The following CCN4 variants were observed in gnomAD, a reference collection of about 807,000 sequenced individuals.
The protein encoded by CCN4 is cellular communication network factor 4.
CCN4 carries 30 observed loss-of-function variants against 36.7 expected under a neutral mutation model. The ratio of observed to expected loss-of-function variants is 0.82; its 90% CI spans 0.61 to 1.11. The LOEUF (loss-of-function observed/expected upper bound fraction) is 1.11, where lower values mean the gene tolerates loss of function less well. Among genes scored for constraint, CCN4 ranks in the 50% least tolerant of loss-of-function variants. The pLI, the probability that CCN4 is intolerant of heterozygous loss-of-function variation, is 0.00. For missense variants in CCN4, 505 were observed against 504.9 expected, an observed-to-expected ratio of 1.00 and a Z score of 0.00; for synonymous variants, 191 against 195.4, an observed-to-expected ratio of 0.98 and a Z score of 0.19.
chr8:133,206,544 A>G (rs978796695), intron 1 of CCN4, among the ~76,000 whole-genome samples: 4 of 152,210 alleles, frequency 2.6e-5, no homozygotes, highest in African/African-American at 9.7e-5. Flanking sequence ...AACCAAAGCA[A>G]AGGACAGGTA....
At chr8:133,220,969 A>G in intron 3 of CCN4, 128 bp downstream of exon 3, 1 of 1,253,546 alleles carries the variant, frequency 8.0e-7, no homozygotes, top group South Asian at 1.6e-5. Context: ...GACCTTGAGA[A>G]AGTCATACCT....
At chr8:133,196,472 T>G (rs1853387588) in intron 1 of CCN4, among the ~76,000 whole-genome samples, 1 of 152,242 alleles carries the variant, frequency 6.6e-6, no homozygotes, top group Non-Finnish European at 1.5e-5. Context: ...TCGTATTACT[T>G]TTTAATACCG....
rs1235498110 is a variant in CCN4, at chr8:133,228,488, C to CAGCT, written c.*779_*782dup. 6.6e-6 allele frequency: 1 copy of CAGCT among 152,276 alleles called. No individual in the cohort carries two copies. The highest frequency in any genetic ancestry group is 2.4e-5 in the African/African-American group (1 of 41,466). The allele number at this position is 152,276 out of a possible 1,614,324, so 9.4% of individuals were successfully genotyped here. The stretch of plus-strand genomic sequence containing the variant: ...GGACCAATTGACTCTCACACTGAAT[C>CAGCT]AGCTGCTGACTGGCAGGGCTTTGGG... On this transcript the variant is annotated 3_prime_UTR_variant, in exon 5 of 5. Coordinates refer to ENST00000250160, the MANE Select transcript of CCN4 (RefSeq NM_003882.4).
At chr8:133,194,266 C>A (rs1329471075) in intron 1 of CCN4, among the ~76,000 whole-genome samples, 4 of 107,232 alleles carry the variant, frequency 3.7e-5, no homozygotes, top group African/African-American at 1.5e-4. Flanking sequence ...TGGGGGTATG[C>A]GTATGGTGTG....
intron 2 of CCN4, among the ~76,000 whole-genome samples, chr8:133,217,219 T>A (rs1230094757): frequency 6.6e-6 from 1 of 152,204 alleles, no homozygotes; most frequent in African/African-American, 2.4e-5. Flanking sequence ...TTCCCATCCA[T>A]CCATCCCTCC....
At chr8:133,192,922 G>A (rs979324193) in intron 1 of CCN4, among the ~76,000 whole-genome samples, 29 of 152,198 alleles carry the variant, frequency 1.9e-4, no homozygotes, top group African/African-American at 6.3e-4. Context: ...GGAGCAGGTT[G>A]GAGGGAAGGC....
chr8:133,226,015 C>G (rs913897615), intron 4 of CCN4, among the ~76,000 whole-genome samples: 1 of 152,236 alleles, frequency 6.6e-6, no homozygotes, highest in South Asian at 2.1e-4. Flanking sequence ...GTGACTGTGG[C>G]CAATCTCTGC....
At chr8:133,191,972 C>A (rs1235238227) in intron 1 of CCN4, among the ~76,000 whole-genome samples, 1 of 152,150 alleles carries the variant, frequency 6.6e-6, no homozygotes, top group African/African-American at 2.4e-5. Flanking sequence ...AGGGGAGTCA[C>A]ATATGTGACC....
chr8:133,199,056 C>T (rs1028110325), intron 1 of CCN4, among the ~76,000 whole-genome samples: 10 of 152,144 alleles, frequency 6.6e-5, no homozygotes, highest in Non-Finnish European at 1.0e-4. Context: ...GAGGGAACAC[C>T]ACTGATTTTT....
chr8:133,217,936 C>CA (rs1854381190), intron 2 of CCN4, among the ~76,000 whole-genome samples: 1 of 144,432 alleles, frequency 6.9e-6, no homozygotes, highest in African/African-American at 2.7e-5. Context: ...ACTCCCTTCT[C>CA]CACACACACA....
chr8:133,193,156 A>T (rs1278354497), intron 1 of CCN4, among the ~76,000 whole-genome samples: 1 of 152,256 alleles, frequency 6.6e-6, no homozygotes, highest in Non-Finnish European at 1.5e-5. Flanking sequence ...TCATAGCCAA[A>T]TTCCATACAT....
chr8:133,219,744 G>T (rs1024949205), intron 2 of CCN4, among the ~76,000 whole-genome samples: 1 of 152,098 alleles, frequency 6.6e-6, no homozygotes, highest in African/African-American at 2.4e-5. Context: ...TCAACAGTTG[G>T]CTGGGATTCA....
chr8:133,220,566 C>T lies in CCN4; in HGVS notation c.350-15C>T, dbSNP rs1304015690. 1 of 1,605,758 alleles carries T rather than the reference C, an allele frequency of 6.2e-7. No individual in the cohort carries two copies. ...ACCAAGGCCACTGGGCCTGACCGGC[C>T]ACCTGTGTTTGCAGAGGTGGTCGGT... On this transcript the variant is annotated splice_polypyrimidine_tract_variant and intron_variant, in intron 2 of 4. Coordinates refer to ENST00000250160, the MANE Select transcript of CCN4 (RefSeq NM_003882.4).
chr8:133,230,364 T>G lies in CCN4; in HGVS notation c.*2654T>G, dbSNP rs758197178. 2 of 152,262 alleles carry G rather than the reference T, an allele frequency of 1.3e-5. No homozygotes were observed. The highest frequency in any genetic ancestry group is 2.9e-5 in the Non-Finnish European group (2 of 68,048). The allele number at this position is 152,262 out of a possible 1,614,324, so 9.4% of individuals were successfully genotyped here. ...AAAAAATCTCCACTGATTGAGTGTT[T>G]ACTTGGTGCCAAGCACTATGCTAAG... On this transcript the variant is annotated 3_prime_UTR_variant, in exon 5 of 5. Coordinates refer to ENST00000250160, the MANE Select transcript of CCN4 (RefSeq NM_003882.4).
chr8:133,207,872 T>C (rs1007912167), intron 1 of CCN4, among the ~76,000 whole-genome samples: 4 of 152,208 alleles, frequency 2.6e-5, no homozygotes, highest in Admixed American at 1.3e-4. Context: ...CAGATGCTTA[T>C]TGACACCTAC....
At chr8:133,213,243 A>G (rs1328138594) in intron 2 of CCN4, 100 bp downstream of exon 2, 64 of 1,417,582 alleles carry the variant, frequency 4.5e-5, no homozygotes, top group Non-Finnish European at 6.1e-5. Flanking sequence ...TCACCTGGCC[A>G]GGCTTCCGTT....
intron 2 of CCN4, among the ~76,000 whole-genome samples, chr8:133,214,720 G>T (rs138903818): frequency 6.6e-6 from 1 of 152,104 alleles, no homozygotes; most frequent in Non-Finnish European, 1.5e-5. Flanking sequence ...GTATTATGAT[G>T]CAGCAGCCTA....
chr8:133,203,858 A>G lies in CCN4; in HGVS notation c.70-9006A>G, dbSNP rs187449276. The stretch of plus-strand genomic sequence containing the variant: ...CCTCCCACGTTCTGCTCCTATGCCT[A>G]TTGCTAAGCATTTTTGTAAAAATGA... On this transcript the variant is annotated intron_variant, in intron 1 of 4. Transcript: ENST00000250160. Among the ~76,000 whole-genome samples, 3 of 152,326 alleles carry G rather than the reference A, an allele frequency of 2.0e-5. No homozygotes were observed. In the East Asian group the frequency reaches 5.8e-4, roughly 29 times the overall value.
At chr8:133,200,838 T>TA (rs1476617704) in intron 1 of CCN4, among the ~76,000 whole-genome samples, 1 of 152,158 alleles carries the variant, frequency 6.6e-6, no homozygotes, top group Admixed American at 6.5e-5. Flanking sequence ...CCTTGAACAT[T>TA]AAGCCCTAGC....
Sources: allele counts gnomAD v4.1 joint callset (sites outside exome capture counted in the v4.1 genomes callset), GRCh38; gene constraint gnomAD v4.1.1; transcripts MANE v1.5; gene names NCBI Gene and HGNC (gene_info 2026-07-23, HGNC 2026-07-21).